Variants in ANKRD27 observed in about 807,000 individuals in gnomAD.
ANKRD27 encodes ankyrin repeat domain 27.
In ANKRD27, 112 loss-of-function variants were observed where a neutral mutation model predicts 129.7. The ratio of observed to expected loss-of-function variants is 0.86; its 90% CI spans 0.74 to 1.01. The LOEUF is 1.01. Among genes scored for constraint, ANKRD27 ranks in the 50% least tolerant of loss-of-function variants. ANKRD27 has a pLI of 0.00. For missense variants in ANKRD27, 1,258 were observed against 1,300.5 expected (o/e 0.97, Z 0.50); for synonymous variants, 516 against 511.2 (o/e 1.01, Z -0.13).
intron 2 of ANKRD27, among the ~76,000 whole-genome samples, chr19:32,654,716 G>A (rs1280859528): frequency 6.6e-6 from 1 of 152,068 alleles, no homozygotes; most frequent in East Asian, 1.9e-4. Context: ...CTGGAGTGCA[G>A]TGGCTATTTA....
chr19:32,656,950 C>A (rs1440199344), intron 2 of ANKRD27, among the ~76,000 whole-genome samples: 2 of 152,004 alleles, frequency 1.3e-5, no homozygotes, highest in African/African-American at 4.8e-5. Context: ...TTGGAAAGAG[C>A]TATATATTCT....
At chr19:32,652,221 G>A (rs1202747967) in intron 2 of ANKRD27, among the ~76,000 whole-genome samples, 1 of 152,206 alleles carries the variant, frequency 6.6e-6, no homozygotes, top group Non-Finnish European at 1.5e-5. Context: ...CAGAAGGTGG[G>A]GACCCAGAAA....
chr19:32,646,440 G>GT lies in ANKRD27; in HGVS notation c.370+18dup, dbSNP rs773783785. The stretch of plus-strand genomic sequence containing the variant: ...CATTTTTCTAAAACAGGAGAAAAAG[G>GT]TTTTTTCTCCCAGAATACCTGAACT... On this transcript the variant is annotated intron_variant, in intron 4 of 28. Coordinates refer to ENST00000306065, the MANE Select transcript of ANKRD27 (RefSeq NM_032139.3). 2.5e-6 allele frequency: 4 copies of GT among 1,586,564 alleles called. No individual in the cohort carries two copies. In the Admixed American group the frequency reaches 7.6e-5, roughly 30 times the overall value.
intron 12 of ANKRD27, among the ~76,000 whole-genome samples, chr19:32,633,655 T>C (rs1409853403): frequency 1.3e-5 from 2 of 152,036 alleles, no homozygotes; most frequent in Middle Eastern, 3.4e-3. Context: ...CTTTTTTTCA[T>C]TCACAAAGGT....
intron 1 of ANKRD27, among the ~76,000 whole-genome samples, chr19:32,669,875 T>C (rs1967832775): frequency 6.6e-6 from 1 of 151,740 alleles, no homozygotes. Flanking sequence ...TGGGCACCTG[T>C]AGTCCCAGCT....
At position 32,656,099 on chromosome 19, in the gene ANKRD27, GAAAGAAAGAAAAGA is replaced by G. The variant is rs1346977447; in HGVS notation, c.102+2801_102+2814del. Among the ~76,000 whole-genome samples, 313 of 123,096 alleles carry G rather than the reference GAAAGAAAGAAAAGA, an allele frequency of 2.5e-3. 2 individuals are homozygous for G. The highest frequency in any genetic ancestry group is 3.8e-3 in the African/African-American group (108 of 28,516). The allele number at this position is 123,096 out of a possible 152,430, so 80.8% of individuals were successfully genotyped here. ...AGAAAGAAAGAAAGAAAGAAAGAAA[GAAAGAAAGAAAAGA>G]AAAGAAAAGAAAAGAAAAGAAAAGA... On this transcript the variant is annotated intron_variant, in intron 2 of 28. Coordinates refer to ENST00000306065, the MANE Select transcript of ANKRD27 (RefSeq NM_032139.3).
At chr19:32,640,000 C>T (rs1429537359) in intron 11 of ANKRD27, among the ~76,000 whole-genome samples, 2 of 151,960 alleles carry the variant, frequency 1.3e-5, no homozygotes, top group East Asian at 1.9e-4. Context: ...CTCGCTATGT[C>T]GCCCAGGCTG....
rs745908469 is a variant in ANKRD27, at chr19:32,598,354, TCA to T, written c.2942_2943del (p.Leu981GlnfsTer4). The stretch of plus-strand genomic sequence containing the variant: ...CTCTGAGCTGGCAGGTTATTCTGTC[TCA>T]GTGTGACACTTTGCCTCCCTGGCTA... ...LHEPGRQSVTLRQNNLPAQSG... is the reference protein window; with the variant it reads ...LHEPGRQSVTXRQNNLPAQSG... On this transcript the variant is annotated frameshift_variant, in exon 29 of 29. Coordinates refer to ENST00000306065, the MANE Select transcript of ANKRD27 (RefSeq NM_032139.3). LOFTEE classifies it low-confidence loss of function (END_TRUNC). 57 of 1,614,200 alleles carry T rather than the reference TCA, an allele frequency of 3.5e-5. No homozygotes were observed. The Middle Eastern group carries it at 4.3e-3, about 121-fold the overall frequency.
chr19:32,661,218 T>C (rs868359470), intron 1 of ANKRD27, among the ~76,000 whole-genome samples: 383 of 80,096 alleles, frequency 4.8e-3, no homozygotes, highest in African/African-American at 0.013. Flanking sequence ...AAAAAAAAAT[T>C]ATACACACAC....
intron 15 of ANKRD27, among the ~76,000 whole-genome samples, chr19:32,627,250 A>G (rs954243644): frequency 2.0e-5 from 3 of 152,104 alleles, no homozygotes; most frequent in African/African-American, 7.2e-5. Flanking sequence ...CCACACATCC[A>G]CACAAGCATG....
intron 2 of ANKRD27, among the ~76,000 whole-genome samples, chr19:32,654,382 T>C (rs1429215409): frequency 2.6e-5 from 4 of 152,202 alleles, no homozygotes; most frequent in Admixed American, 6.5e-5. Flanking sequence ...CCAAACTTCA[T>C]GGAAAGATAT....
intron 6 of ANKRD27, 41 bp downstream of exon 6, chr19:32,643,531 G>C (rs770295842): frequency 3.1e-6 from 5 of 1,613,696 alleles, no homozygotes; most frequent in South Asian, 1.1e-5. Flanking sequence ...TTTGCATGGG[G>C]GTGCACCACA....
intron 17 of ANKRD27, among the ~76,000 whole-genome samples, chr19:32,625,228 C>A (rs2145280572): frequency 6.6e-6 from 1 of 152,150 alleles, no homozygotes; most frequent in African/African-American, 2.4e-5. Flanking sequence ...TGCACTCCAG[C>A]CTAGGTGCCA....
Position 32,643,490 on chromosome 19 carries a change from G to A in ANKRD27, c.586-6C>T. The A allele has an allele frequency of 6.2e-7, 1 of 1,613,720 alleles. No homozygotes were observed. Among genetic ancestry groups the A allele is most frequent in the Non-Finnish European group, 8.5e-7 (1 of 1,179,982 alleles). On this transcript the variant is annotated splice_polypyrimidine_tract_variant and splice_region_variant and intron_variant, in intron 6 of 28. Coordinates refer to ENST00000306065, the MANE Select transcript of ANKRD27 (RefSeq NM_032139.3). ...TCCTGCTTGGCGAGCATTTTCTAGAGGGCAAGAAAAGCACAGTGAAAGGGC... is the reference window on the plus strand; with the variant it reads ...TCCTGCTTGGCGAGCATTTTCTAGAAGGCAAGAAAAGCACAGTGAAAGGGC...
Position 32,639,636 on chromosome 19 carries a change from A to C in ANKRD27, c.984-148T>G, listed in dbSNP as rs1234931164. The C allele has an allele frequency of 6.3e-6, 5 of 792,334 alleles. No homozygotes were observed. The East Asian group carries it at 1.2e-4, about 20-fold the overall frequency. 49.1% of individuals were successfully genotyped at this position (792,334 alleles called of 1,614,324 possible). Reference sequence around the variant, plus strand: ...ACCACCATCCCCTGGATCTCTCTGCAGAGTGTGTGCGATTAGGAACACAAG... The same window carrying C: ...ACCACCATCCCCTGGATCTCTCTGCCGAGTGTGTGCGATTAGGAACACAAG... On this transcript the variant is annotated intron_variant, in intron 11 of 28. Transcript: ENST00000306065.
At chr19:32,649,918 G>A (rs1369705646) in intron 2 of ANKRD27, 126 bp from the exon 3 acceptor site, 4 of 695,718 alleles carry the variant, frequency 5.7e-6, no homozygotes, top group Non-Finnish European at 1.0e-5. Flanking sequence ...GAACGCCCGA[G>A]GTCCCTTGCC....
chr19:32,617,063 C>T (rs1449976454), intron 21 of ANKRD27, among the ~76,000 whole-genome samples: 1 of 152,192 alleles, frequency 6.6e-6, no homozygotes, highest in Non-Finnish European at 1.5e-5. Context: ...GGCCCACACT[C>T]GCTATGTGCC....
chr19:32,625,561 G>A lies in ANKRD27; in HGVS notation c.1629+313C>T, dbSNP rs548232484. On this transcript the variant is annotated intron_variant, in intron 17 of 28. Coordinates refer to ENST00000306065, the MANE Select transcript of ANKRD27 (RefSeq NM_032139.3). ...TTCTCATGCCTCAGACTCCTGAGTC[G>A]CTGGGATTACAGGTGCCCGCCACCA... 7.5e-4 allele frequency among the ~76,000 whole-genome samples: 114 copies of A among 151,518 alleles called. 1 individual carries two copies. The highest frequency in any genetic ancestry group is 2.7e-3 in the African/African-American group (112 of 41,306).
At chr19:32,601,704 T>C in intron 26 of ANKRD27, among the ~76,000 whole-genome samples, 1 of 151,816 alleles carries the variant, frequency 6.6e-6, no homozygotes, top group East Asian at 1.9e-4. Context: ...ACATGAGGCA[T>C]GAAAGAAACT....
Sources: allele counts gnomAD v4.1 joint callset (sites outside exome capture counted in the v4.1 genomes callset), GRCh38; gene constraint gnomAD v4.1.1; transcripts MANE v1.5; gene names NCBI Gene and HGNC (gene_info 2026-07-23, HGNC 2026-07-21).